Variants in SOX5 observed in about 807,000 individuals in gnomAD.
The protein encoded by SOX5 is SRY-box transcription factor 5.
Under a neutral mutation model 92.0 loss-of-function variants are expected in SOX5, and 9 were observed. The ratio of observed to expected loss-of-function variants is 0.10; its 90% CI spans 0.06 to 0.17. SOX5 has a LOEUF of 0.17. SOX5 is among the 10% of genes least tolerant of loss of function. The pLI, the probability that SOX5 is intolerant of heterozygous loss-of-function variation, is 1.00. For synonymous variants in SOX5, 344 were observed against 336.3 expected, an observed-to-expected ratio of 1.02 and a Z score of -0.25; for missense variants, 642 against 944.5, an observed-to-expected ratio of 0.68 and a Z score of 4.20.
intron 3 of SOX5, among the ~76,000 whole-genome samples, chr12:24,270,336 A>T (rs1452589730): frequency 6.6e-6 from 1 of 152,070 alleles, no homozygotes; most frequent in African/African-American, 2.4e-5. Flanking sequence ...TGGGATTACA[A>T]GTGTAAGCAC....
intron 4 of SOX5, among the ~76,000 whole-genome samples, chr12:24,043,978 A>G (rs1483394494): frequency 1.3e-5 from 2 of 152,214 alleles, no homozygotes; most frequent in African/African-American, 2.4e-5. Flanking sequence ...GATTATATTG[A>G]ATAAGTCATG....
chr12:23,896,871 TA>T (rs1411594768), intron 1 of SOX5, among the ~76,000 whole-genome samples: 2 of 152,096 alleles, frequency 1.3e-5, no homozygotes, highest in Admixed American at 6.5e-5. Context: ...TTTGATGAGC[TA>T]AAGTCTACAT....
At chr12:23,585,186 T>G (rs1034758829) in intron 9 of SOX5, among the ~76,000 whole-genome samples, 5 of 152,184 alleles carry the variant, frequency 3.3e-5, no homozygotes, top group African/African-American at 1.2e-4. Flanking sequence ...TAGGAACATA[T>G]GCACTACCAA....
At chr12:24,435,674 GAGA>G (rs1292146943) in intron 1 of SOX5, among the ~76,000 whole-genome samples, 1 of 152,200 alleles carries the variant, frequency 6.6e-6, no homozygotes, top group Non-Finnish European at 1.5e-5. Context: ...ACAAGTGAAT[GAGA>G]AGATCACAAT....
At chr12:24,033,610 T>A (rs924906315) in intron 4 of SOX5, among the ~76,000 whole-genome samples, 1 of 152,048 alleles carries the variant, frequency 6.6e-6, no homozygotes, top group Non-Finnish European at 1.5e-5. Context: ...TCTACTGACG[T>A]AGACTTACAG....
At chr12:23,744,055 T>G (rs190591362) in intron 4 of SOX5, among the ~76,000 whole-genome samples, 2 of 152,234 alleles carry the variant, frequency 1.3e-5, no homozygotes, top group Non-Finnish European at 2.9e-5. Context: ...TCAGCCCATC[T>G]TGCTGCATCT....
chr12:23,836,706 A>G (rs990921399), intron 3 of SOX5, among the ~76,000 whole-genome samples: 3 of 151,992 alleles, frequency 2.0e-5, no homozygotes, highest in African/African-American at 7.2e-5. Flanking sequence ...AAGCAAAGAC[A>G]TGAATATGGC....
At chr12:23,642,779 C>T (rs1412879033) in intron 7 of SOX5, among the ~76,000 whole-genome samples, 1 of 152,126 alleles carries the variant, frequency 6.6e-6, no homozygotes, top group African/African-American at 2.4e-5. Flanking sequence ...TGAGCAGATG[C>T]AGAAATCTGT....
chr12:24,092,869 CT>C (rs1480520122), intron 4 of SOX5, among the ~76,000 whole-genome samples: 1 of 152,152 alleles, frequency 6.6e-6, no homozygotes, highest in Non-Finnish European at 1.5e-5. Flanking sequence ...CAGAAAAGTG[CT>C]TGTGCATTGG....
intron 1 of SOX5, among the ~76,000 whole-genome samples, chr12:24,446,721 T>C (rs915290163): frequency 2.6e-5 from 4 of 152,148 alleles, no homozygotes; most frequent in Non-Finnish European, 5.9e-5. Flanking sequence ...GTGATAGTAA[T>C]GGGAGAGTCT....
chr12:23,616,069 G>T (rs978625816), intron 8 of SOX5, among the ~76,000 whole-genome samples: 3 of 152,100 alleles, frequency 2.0e-5, no homozygotes, highest in Non-Finnish European at 2.9e-5. Context: ...CAGAGGAGAG[G>T]TACAATGAGG....
chr12:23,857,442 A>G (rs148213681), intron 2 of SOX5, among the ~76,000 whole-genome samples: 1 of 152,332 alleles, frequency 6.6e-6, no homozygotes, highest in East Asian at 1.9e-4. Context: ...TGGGAGTTGA[A>G]AAGAACCATC....
intron 3 of SOX5, among the ~76,000 whole-genome samples, chr12:23,790,218 G>A (rs1386618549): frequency 6.6e-6 from 1 of 151,950 alleles, no homozygotes. Context: ...CTACTTAATT[G>A]CCAGAAGACA....
At chr12:24,443,449 A>G (rs1400432468) in intron 1 of SOX5, among the ~76,000 whole-genome samples, 1 of 152,210 alleles carries the variant, frequency 6.6e-6, no homozygotes, top group Non-Finnish European at 1.5e-5. Flanking sequence ...CAGTCAATAA[A>G]CATAAACTGT....
intron 2 of SOX5, among the ~76,000 whole-genome samples, chr12:24,327,827 C>T (rs966086918): frequency 1.3e-5 from 2 of 151,680 alleles, no homozygotes; most frequent in African/African-American, 2.4e-5. Context: ...CTCCTGACCT[C>T]GTGATCCGCC....
intron 11 of SOX5, among the ~76,000 whole-genome samples, chr12:23,560,230 G>T (rs1023035691): frequency 6.6e-6 from 1 of 151,954 alleles, no homozygotes; most frequent in Non-Finnish European, 1.5e-5. Context: ...ACTTTAGACA[G>T]AAAAAAATGC....
chr12:24,108,664 A>G (rs1183640695), intron 4 of SOX5, among the ~76,000 whole-genome samples: 2 of 152,136 alleles, frequency 1.3e-5, no homozygotes, highest in Non-Finnish European at 2.9e-5. Context: ...CTGGCCTTTC[A>G]TAATATCAGA....
chr12:23,836,111 C>T (rs2096410090), intron 3 of SOX5, among the ~76,000 whole-genome samples: 1 of 151,680 alleles, frequency 6.6e-6, no homozygotes, highest in African/African-American at 2.4e-5. Context: ...CCCTTCAATA[C>T]ATAATTATAT....
chr12:24,423,602 G>A (rs900628935), intron 1 of SOX5, among the ~76,000 whole-genome samples: 5 of 152,154 alleles, frequency 3.3e-5, no homozygotes, highest in Non-Finnish European at 5.9e-5. Flanking sequence ...AAATATAATC[G>A]TCTTTTACCC....
Sources: allele counts gnomAD v4.1 joint callset (sites outside exome capture counted in the v4.1 genomes callset), GRCh38; gene constraint gnomAD v4.1.1; transcripts MANE v1.5; gene names NCBI Gene and HGNC (gene_info 2026-07-23, HGNC 2026-07-21).